Variants in LRMDA observed in about 807,000 individuals in gnomAD.
The protein encoded by LRMDA is leucine-rich melanocyte differentiation-associated protein.
LRMDA carries 18 observed loss-of-function variants against 29.8 expected under a neutral mutation model. The observed-to-expected ratio is 0.60, with a 90% CI of 0.42 to 0.90. The LOEUF is 0.90. LRMDA is among the 40% of genes least tolerant of loss of function. LRMDA has a pLI of 0.00. For synonymous variants in LRMDA, 125 were observed against 109.4 expected (o/e 1.14, Z -0.89); for missense variants, 273 against 273.9 (o/e 1.00, Z 0.02).
Position 75,802,954 on chromosome 10 carries a change from G to A in LRMDA, c.132-233054G>A, listed in dbSNP as rs78580446. Among the ~76,000 whole-genome samples, 121 of 127,546 alleles carry A rather than the reference G, an allele frequency of 9.5e-4. 1 individual carries two copies. Among genetic ancestry groups the A allele is most frequent in the South Asian group, 3.8e-3 (15 of 3,938 alleles). 83.7% of individuals were successfully genotyped at this position (127,546 alleles called of 152,430 possible). A position where few individuals can be genotyped will look rare whatever the true frequency, so the allele number is the denominator to read the frequency against. On this transcript the variant is annotated intron_variant, in intron 2 of 6. Transcript: ENST00000611255. ...ATTATGTGTGTGTGTGTGTGTGTGT[G>A]TATATATATATATATATATTTTTTT...
intron 5 of LRMDA, among the ~76,000 whole-genome samples, chr10:76,097,097 G>A (rs940913213): frequency 2.0e-5 from 3 of 151,812 alleles, no homozygotes; most frequent in African/African-American, 4.8e-5. Context: ...TGCAACCTCC[G>A]CCTCCCAGGC....
At chr10:76,519,683 A>G (rs1843099382) in intron 6 of LRMDA, among the ~76,000 whole-genome samples, 1 of 152,164 alleles carries the variant, frequency 6.6e-6, no homozygotes. Flanking sequence ...ACATGATCAC[A>G]AACATTACGT....
At chr10:75,438,352 A>G in intron 1 of LRMDA, 42 bp from the exon 2 acceptor site, 1 of 1,463,104 alleles carries the variant, frequency 6.8e-7, no homozygotes, top group Non-Finnish European at 9.4e-7. Context: ...CAGCTGGGTG[A>G]TTTCCATTTG....
chr10:76,423,157 G>A (rs1842087612), intron 6 of LRMDA, among the ~76,000 whole-genome samples: 1 of 152,192 alleles, frequency 6.6e-6, no homozygotes, highest in Non-Finnish European at 1.5e-5. Flanking sequence ...CACTTTGGGA[G>A]GCTGACGCAG....
chr10:76,239,809 G>A (rs1347640900), intron 5 of LRMDA, among the ~76,000 whole-genome samples: 1 of 151,538 alleles, frequency 6.6e-6, no homozygotes, highest in Admixed American at 6.6e-5. Context: ...ACTTCCTATT[G>A]CATTACCTCC....
At chr10:76,239,808 T>G (rs1852237348) in intron 5 of LRMDA, among the ~76,000 whole-genome samples, 1 of 152,064 alleles carries the variant, frequency 6.6e-6, no homozygotes, top group Admixed American at 6.6e-5. Context: ...TACTTCCTAT[T>G]GCATTACCTC....
At chr10:75,989,882 ACCCCAGTAGG>A (rs1564624342) in intron 2 of LRMDA, among the ~76,000 whole-genome samples, 1 of 152,110 alleles carries the variant, frequency 6.6e-6, no homozygotes, top group African/African-American at 2.4e-5. Flanking sequence ...GCTGCAGGTG[ACCCCAGTAGG>A]CTGAAGTTAG....
chr10:76,263,569 C>T (rs571961476), intron 5 of LRMDA, among the ~76,000 whole-genome samples: 26 of 152,266 alleles, frequency 1.7e-4, no homozygotes, highest in African/African-American at 4.6e-4. Flanking sequence ...CACATAGTTA[C>T]GAAGTTTTGT....
intron 5 of LRMDA, among the ~76,000 whole-genome samples, chr10:76,240,480 A>G (rs1852253395): frequency 1.4e-5 from 2 of 146,048 alleles, no homozygotes; most frequent in East Asian, 1.9e-4. Flanking sequence ...TTATATTTAT[A>G]TATGTTGGCA....
intron 2 of LRMDA, among the ~76,000 whole-genome samples, chr10:75,831,163 A>C (rs1347109413): frequency 6.6e-6 from 1 of 151,904 alleles, no homozygotes; most frequent in African/African-American, 2.4e-5. Context: ...CTTCTGCCTC[A>C]GCCTCCTGAG....
chr10:76,557,677 A>T lies in LRMDA; in HGVS notation c.*389A>T. ...CAGTGGCTGCAGTCAAGTGAGAAAG[A>T]CTGTCCTCAGCTCGCCTATTGAATT... On this transcript the variant is annotated 3_prime_UTR_variant, in exon 7 of 7. Coordinates refer to ENST00000611255, the MANE Select transcript of LRMDA (RefSeq NM_001305581.2). 1 of 216,694 alleles carries T rather than the reference A, an allele frequency of 4.6e-6. No homozygotes were observed. The highest frequency in any genetic ancestry group is 9.6e-5 in the South Asian group (1 of 10,470). 13.4% of individuals were successfully genotyped at this position (216,694 alleles called of 1,614,324 possible). A position where few individuals can be genotyped will look rare whatever the true frequency, so the allele number is the denominator to read the frequency against.
intron 5 of LRMDA, among the ~76,000 whole-genome samples, chr10:76,060,333 A>G (rs1848683815): frequency 6.6e-6 from 1 of 152,122 alleles, no homozygotes; most frequent in South Asian, 2.1e-4. Context: ...GGGGTAATAA[A>G]TGTAGTACCC....
chr10:75,479,396 A>G (rs947890517), intron 2 of LRMDA, among the ~76,000 whole-genome samples: 3 of 151,872 alleles, frequency 2.0e-5, no homozygotes, highest in African/African-American at 7.3e-5. Context: ...AGTCCCAGCT[A>G]CTTGGGAGGC....
chr10:75,755,728 G>T (rs1460757202), intron 2 of LRMDA, among the ~76,000 whole-genome samples: 1 of 152,260 alleles, frequency 6.6e-6, no homozygotes, highest in Non-Finnish European at 1.5e-5. Flanking sequence ...ACCTTGGAGT[G>T]TACATGGTGC....
intron 2 of LRMDA, among the ~76,000 whole-genome samples, chr10:76,001,360 T>A (rs1044182351): frequency 3.3e-5 from 5 of 152,208 alleles, no homozygotes; most frequent in Admixed American, 1.3e-4. Context: ...CACTGTTACT[T>A]TAGAAGCCCC....
intron 2 of LRMDA, among the ~76,000 whole-genome samples, chr10:75,895,362 G>A (rs1845564012): frequency 6.6e-6 from 1 of 152,132 alleles, no homozygotes; most frequent in Non-Finnish European, 1.5e-5. Flanking sequence ...CTCACTATAT[G>A]CCATGTGCTG....
At chr10:75,940,290 G>A (rs1424773455) in intron 2 of LRMDA, among the ~76,000 whole-genome samples, 3 of 152,084 alleles carry the variant, frequency 2.0e-5, no homozygotes, top group Non-Finnish European at 4.4e-5. Context: ...TTGATAACCA[G>A]GTGGACTGAA....
At chr10:76,216,923 T>C (rs1262715705) in intron 5 of LRMDA, among the ~76,000 whole-genome samples, 1 of 152,180 alleles carries the variant, frequency 6.6e-6, no homozygotes, top group Admixed American at 6.5e-5. Context: ...CAATGGACTA[T>C]TATACACCAG....
chr10:76,069,840 A>C (rs1848847465), intron 5 of LRMDA, among the ~76,000 whole-genome samples: 1 of 152,092 alleles, frequency 6.6e-6, no homozygotes, highest in Non-Finnish European at 1.5e-5. Context: ...CAATTTAAGG[A>C]GTTGCCTCCA....
Sources: allele counts gnomAD v4.1 joint callset (sites outside exome capture counted in the v4.1 genomes callset), GRCh38; gene constraint gnomAD v4.1.1; transcripts MANE v1.5; gene names NCBI Gene and HGNC (gene_info 2026-07-23, HGNC 2026-07-21).